SLC9A6: variants seen among roughly 807,000 people sequenced by gnomAD.
The protein encoded by SLC9A6 is sodium/hydrogen exchanger 6.
SLC9A6 carries 6 observed loss-of-function variants against 45.3 expected under a neutral mutation model. That is an observed-to-expected ratio of 0.13 (90% CI 0.07 to 0.26). The LOEUF is 0.26. SLC9A6 is among the 10% of genes least tolerant of loss of function. The probability of loss-of-function intolerance (pLI) is 1.00; values close to 1 mark genes in which losing one functional copy is unlikely to be tolerated. For synonymous variants in SLC9A6, 191 were observed against 187.7 expected (o/e 1.02, Z -0.14); for missense variants, 278 against 503.7 (o/e 0.55, Z 4.29).
chrX:135,992,107 C>T (rs1040397745), intron 2 of SLC9A6, among the ~76,000 whole-genome samples: 5 of 111,654 alleles, frequency 4.5e-5, no homozygotes, highest in Admixed American at 1.9e-4. Flanking sequence ...GTAGCCTTTT[C>T]CCCTGTAAAT....
chrX:136,039,307 A>G (rs1200524935), intron 16 of SLC9A6, among the ~76,000 whole-genome samples: 1 of 111,182 alleles, frequency 9.0e-6, no homozygotes, highest in African/African-American at 3.3e-5. Flanking sequence ...CAAAAAAAAA[A>G]AAAATAAATG....
At chrX:136,001,708 GAAAC>G (rs1411779576) in intron 6 of SLC9A6, among the ~76,000 whole-genome samples, 1 of 112,198 alleles carries the variant, frequency 8.9e-6, no homozygotes, top group Non-Finnish European at 1.9e-5. Context: ...AAGGCCCAAA[GAAAC>G]AAAGTTTGCA....
chrX:135,989,031 T>G (rs2089389454), intron 2 of SLC9A6, among the ~76,000 whole-genome samples: 1 of 111,460 alleles, frequency 9.0e-6, no homozygotes. Context: ...CCTTTATTTT[T>G]CAGCATGACT....
intron 7 of SLC9A6, among the ~76,000 whole-genome samples, chrX:136,009,348 A>G: frequency 1.8e-5 from 2 of 112,187 alleles, no homozygotes; most frequent in Admixed American, 1.9e-4. Context: ...CTATATTTCA[A>G]TAAAATAAGT....
chrX:135,982,401 T>C (rs868941085), upstream of SLC9A6, among the ~76,000 whole-genome samples: 2 of 33,787 alleles, frequency 5.9e-5, no homozygotes, highest in East Asian at 1.5e-3. Flanking sequence ...AGGGCGGGGG[T>C]TGGGGGGGGC....
intron 4 of SLC9A6, 147 bp from the exon 5 acceptor site, chrX:135,998,335 C>G (rs1347457068): frequency 1.8e-6 from 1 of 552,949 alleles, no homozygotes; most frequent in Non-Finnish European, 3.0e-6. Flanking sequence ...TATACCTGTA[C>G]AAGAATGCTT....
chrX:136,022,630 C>T lies in SLC9A6; in HGVS notation c.1239C>T (p.Ser413=). 1.7e-6 allele frequency: 2 copies of T among 1,195,841 alleles called. No individual in the cohort carries two copies. Among genetic ancestry groups the T allele is most frequent in the Non-Finnish European group, 2.3e-6 (2 of 884,555 alleles). Reference sequence around the variant, plus strand: ...GAGCTGCCAATATTTACCCCTTGTCCCTCTTACTTAATTTGGGTAGAAGAA... The same window carrying T: ...GAGCTGCCAATATTTACCCCTTGTCTCTCTTACTTAATTTGGGTAGAAGAA... ...LGRAANIYPL[S]LLLNLGRRSK... is the part of the protein sequence containing the mutation. Residue 413 remains serine, a synonymous_variant, in exon 12 of 18, where the codon TCC becomes TCT. Transcript: ENST00000630721.
intron 7 of SLC9A6, among the ~76,000 whole-genome samples, chrX:136,003,031 C>T (rs1225446952): frequency 9.2e-6 from 1 of 109,139 alleles, no homozygotes; most frequent in Non-Finnish European, 1.9e-5. Context: ...TCCTGTCCCC[C>T]AGGCTGGAGT....
chrX:136,010,685 A>G, intron 8 of SLC9A6, 102 bp downstream of exon 8: 14 of 761,740 alleles, frequency 1.8e-5, no homozygotes, highest in Non-Finnish European at 2.8e-5. Flanking sequence ...TTATGTTAGA[A>G]TTATTAATCT....
chrX:135,998,411 G>A, intron 4 of SLC9A6, 71 bp from the exon 5 acceptor site: 5 of 750,925 alleles, frequency 6.7e-6, no homozygotes, highest in African/African-American at 2.1e-5. Context: ...TATTAGCATA[G>A]CATAGAAAAC....
intron 2 of SLC9A6, among the ~76,000 whole-genome samples, chrX:135,990,134 C>T (rs182540489): frequency 0.013 from 1,474 of 110,343 alleles, 8 homozygotes; most frequent in African/African-American, 0.024. Flanking sequence ...TACAGGTGAC[C>T]GCCACCACGC....
intron 2 of SLC9A6, among the ~76,000 whole-genome samples, chrX:135,991,658 A>T (rs1410587843): frequency 9.0e-6 from 1 of 111,312 alleles, no homozygotes; most frequent in Non-Finnish European, 1.9e-5. Context: ...TATCAAGGTC[A>T]CCTATGGCCT....
rs2148169885 is a variant in SLC9A6, at chrX:136,010,501, T to C, written c.803T>C (p.Met268Thr). Residue 268 changes from methionine (M) to threonine (T), a missense_variant, in exon 8 of 18, where the codon ATG becomes ACG. By Grantham distance (81) the Met-to-Thr change is moderately conservative. This residue lies in a region of SLC9A6 where 118 missense variants were observed against 209.9 expected (regional missense o/e 0.56). Transcript: ENST00000630721. The part of the protein sequence containing the change: ...DNSHTFDVTA[M>T]FKSIGIFLGI... ...AGTCACACCTTTGATGTCACAGCGA[T>C]GTTCAAGTCTATTGGGATCTTCCTT... 1.7e-6 allele frequency: 2 copies of C among 1,210,993 alleles called. No individual in the cohort carries two copies. The highest frequency in any genetic ancestry group is 2.3e-4 in the Middle Eastern group (1 of 4,352).
chrX:136,029,271 G>A (rs1404784155), intron 14 of SLC9A6, among the ~76,000 whole-genome samples: 1 of 110,728 alleles, frequency 9.0e-6, no homozygotes, highest in Admixed American at 9.7e-5. Flanking sequence ...AGGTTGGAGT[G>A]GGGTGGGGAT....
chrX:136,024,084 G>A (rs1556620271), intron 12 of SLC9A6, among the ~76,000 whole-genome samples: 3 of 110,842 alleles, frequency 2.7e-5, no homozygotes, highest in Non-Finnish European at 1.9e-5. Context: ...ATGGGGTTTC[G>A]GCATGTTGGT....
intron 7 of SLC9A6, among the ~76,000 whole-genome samples, chrX:136,002,724 G>C (rs1472421521): frequency 1.8e-5 from 2 of 109,478 alleles, no homozygotes; most frequent in Admixed American, 9.8e-5. Context: ...ACCATGCCCG[G>C]CTAATTTTTG....
chrX:136,032,248 T>G (rs2071337995), intron 15 of SLC9A6, among the ~76,000 whole-genome samples: 1 of 111,736 alleles, frequency 8.9e-6, no homozygotes, highest in African/African-American at 3.3e-5. Context: ...TTTTGTGTGT[T>G]TTTAGTAGAG....
intron 1 of SLC9A6, chrX:135,974,939 A>G (rs1169901517): frequency 4.0e-6 from 1 of 248,637 alleles, no homozygotes; most frequent in Admixed American, 5.3e-5. Context: ...GATCCGGGTA[A>G]AATGTATACT....
chrX:136,011,443 T>C (rs1370966990), intron 8 of SLC9A6, among the ~76,000 whole-genome samples: 1 of 110,213 alleles, frequency 9.1e-6, no homozygotes, highest in Middle Eastern at 4.7e-3. Flanking sequence ...GGTTTCATCA[T>C]GTCGGCCAGG....
Sources: gnomAD v4.1 joint callset for allele counts (sites outside exome capture counted in the v4.1 genomes callset) on GRCh38, gnomAD v4.1.1 for gene constraint, gnomAD v4.1.1 regional missense constraint, MANE v1.5 for transcripts, NCBI Gene and HGNC (gene_info 2026-07-23, HGNC 2026-07-21) for gene names.